AAK1: variants seen among roughly 807,000 people sequenced by gnomAD.
The protein encoded by AAK1 is AP2 associated kinase 1.
Under a neutral mutation model 116.0 loss-of-function variants are expected in AAK1, and 37 were observed. That is an observed-to-expected ratio of 0.32 (90% CI 0.25 to 0.42). The LOEUF (loss-of-function observed/expected upper bound fraction) is 0.42, where lower values mean the gene tolerates loss of function less well. Among genes scored for constraint, AAK1 ranks in the 10% least tolerant of loss-of-function variants. The pLI is 1.00. For synonymous variants in AAK1, 458 were observed against 439.9 expected (o/e 1.04, Z -0.51); for missense variants, 919 against 1,170.6 (o/e 0.79, Z 3.14).
intron 2 of AAK1, among the ~76,000 whole-genome samples, chr2:69,561,569 G>C (rs1671641096): frequency 6.6e-6 from 1 of 152,196 alleles, no homozygotes; most frequent in Non-Finnish European, 1.5e-5. Flanking sequence ...GTTCAGATAA[G>C]ATCCCTCATC....
intron 2 of AAK1, among the ~76,000 whole-genome samples, chr2:69,577,158 C>T (rs1472416778): frequency 6.6e-6 from 1 of 152,254 alleles, no homozygotes; most frequent in Admixed American, 6.5e-5. Context: ...CTCTGAGCAG[C>T]AGAACCCCTG....
At chr2:69,477,744 CAT>C (rs1674907942) in intron 20 of AAK1, among the ~76,000 whole-genome samples, 2 of 152,308 alleles carry the variant, frequency 1.3e-5, no homozygotes, top group Admixed American at 6.5e-5. Context: ...TCTATAAAAA[CAT>C]AATCATTTTA....
chr2:69,482,371 G>C, intron 18 of AAK1: 1 of 473,902 alleles, frequency 2.1e-6, no homozygotes, highest in Non-Finnish European at 3.7e-6. Flanking sequence ...AAAAAAAAAA[G>C]AAGAATCTGC....
Position 69,492,518 on chromosome 2 carries a change from CTTT to C in AAK1, c.2365+3464_2365+3466del, listed in dbSNP as rs987331929. On this transcript the variant is annotated intron_variant, in intron 17 of 21. Transcript: ENST00000409085. ...CGTGAGCCACCGTGCCTGGCCAATT[CTTT>C]TTTTTTTTTTTTTTTTTTTGAGATA... Among the ~76,000 whole-genome samples the C allele has an allele frequency of 3.7e-3, 310 of 83,392 alleles. 2 individuals are homozygous for C. The highest frequency in any genetic ancestry group is 0.015 in the African/African-American group (287 of 18,928). 54.7% of individuals were successfully genotyped at this position (83,392 alleles called of 152,430 possible).
intron 6 of AAK1, 118 bp downstream of exon 6, chr2:69,531,923 A>G: frequency 1.4e-6 from 2 of 1,467,106 alleles, no homozygotes; most frequent in Non-Finnish European, 1.9e-6. Flanking sequence ...ATGCTCTGAG[A>G]TGAAGGACAA....
rs1381759635 is a variant in AAK1 at position 69,471,646 on chromosome 2, G to C, written c.*4223C>G. On this transcript the variant is annotated 3_prime_UTR_variant, in exon 22 of 22. Coordinates refer to ENST00000409085, the MANE Select transcript of AAK1 (RefSeq NM_014911.5). ...GCCTGATAATCTTGCAGACAGAGAAGGTTAAGGACTCTGGGAAATCACAGA... is the reference window on the plus strand; with the variant it reads ...GCCTGATAATCTTGCAGACAGAGAACGTTAAGGACTCTGGGAAATCACAGA... 1.0e-6 allele frequency: 1 copy of C among 985,390 alleles called. No individual in the cohort carries two copies. The highest frequency in any genetic ancestry group is 1.2e-6 in the Non-Finnish European group (1 of 829,900). 61.0% of individuals were successfully genotyped at this position (985,390 alleles called of 1,614,324 possible).
intron 2 of AAK1, among the ~76,000 whole-genome samples, chr2:69,564,382 T>C (rs975287256): frequency 6.6e-6 from 1 of 151,780 alleles, no homozygotes; most frequent in African/African-American, 2.4e-5. Context: ...TCAAAGTAGC[T>C]CTACTTTTAG....
rs1397919665 is a variant in AAK1 at position 69,469,712 on chromosome 2, T to A, written c.*6157A>T. The A allele has an allele frequency of 3.0e-6, 3 of 985,328 alleles. No homozygotes were observed. In the African/African-American group the frequency reaches 5.2e-5, roughly 17 times the overall value. The allele number at this position is 985,328 out of a possible 1,614,324, so 61.0% of individuals were successfully genotyped here. On this transcript the variant is annotated 3_prime_UTR_variant, in exon 22 of 22. Transcript: ENST00000409085. The stretch of plus-strand genomic sequence containing the variant: ...CATAGAGCCTAACGTAGGGTTTTGT[T>A]ATAATTCCCTCAAACTGGATCATGC...
intron 8 of AAK1, among the ~76,000 whole-genome samples, chr2:69,529,457 A>C (rs1670155168): frequency 6.6e-6 from 1 of 152,134 alleles, no homozygotes; most frequent in South Asian, 2.1e-4. Flanking sequence ...ATGTTAGTAC[A>C]TATGCTTGCT....
chr2:69,499,806 T>A (rs953133766), intron 16 of AAK1: 1 of 152,214 alleles, frequency 6.6e-6, no homozygotes, highest in Non-Finnish European at 1.5e-5. Context: ...AAAATTTATA[T>A]GCAGAAATAA....
chr2:69,607,862 T>C (rs1425743357), intron 2 of AAK1, among the ~76,000 whole-genome samples: 1 of 152,100 alleles, frequency 6.6e-6, no homozygotes, highest in Non-Finnish European at 1.5e-5. Context: ...AGCCTGATAA[T>C]CTCATCAGGT....
At chr2:69,488,929 C>T (rs1312411767) in intron 17 of AAK1, among the ~76,000 whole-genome samples, 1 of 152,022 alleles carries the variant, frequency 6.6e-6, no homozygotes, top group Non-Finnish European at 1.5e-5. Flanking sequence ...CAGTGGCTCA[C>T]ACTTGTAATC....
At chr2:69,635,025 GCAAC>G (rs1675385905) in intron 2 of AAK1, among the ~76,000 whole-genome samples, 1 of 151,930 alleles carries the variant, frequency 6.6e-6, no homozygotes, top group East Asian at 1.9e-4. Flanking sequence ...AAGTAAAAAG[GCAAC>G]CCACAGAATG....
At chr2:69,530,461 A>G (rs551900552) in intron 7 of AAK1, among the ~76,000 whole-genome samples, 164 bp downstream of exon 7, 1 of 152,376 alleles carries the variant, frequency 6.6e-6, no homozygotes, top group Non-Finnish European at 1.5e-5. Context: ...TCATGCTTCA[A>G]GAAGCAGTGG....
chr2:69,473,952 C>A lies in AAK1; in HGVS notation c.*1917G>T. On this transcript the variant is annotated 3_prime_UTR_variant, in exon 22 of 22. Coordinates refer to ENST00000409085, the MANE Select transcript of AAK1 (RefSeq NM_014911.5). The stretch of plus-strand genomic sequence containing the variant: ...TCGTGGATATCTTTTGCTTTTTAAT[C>A]CTCGGCAGGAAGCTTGTGCCTCTCT... The A allele has an allele frequency of 1.0e-6, 1 of 985,728 alleles. No individual in the cohort carries two copies. Among genetic ancestry groups the A allele is most frequent in the Non-Finnish European group, 1.2e-6 (1 of 829,914 alleles). 61.1% of individuals were successfully genotyped at this position (985,728 alleles called of 1,614,324 possible).
At chr2:69,508,230 A>G (rs1240465864) in intron 14 of AAK1, among the ~76,000 whole-genome samples, 1 of 152,196 alleles carries the variant, frequency 6.6e-6, no homozygotes, top group Admixed American at 6.5e-5. Context: ...CCACCATAAC[A>G]TCCACAATAA....
intron 3 of AAK1, among the ~76,000 whole-genome samples, chr2:69,548,438 T>G (rs1195670438): frequency 6.6e-6 from 1 of 152,144 alleles, no homozygotes; most frequent in Non-Finnish European, 1.5e-5. Flanking sequence ...TTTCGTTTTC[T>G]TTGTTTTTTC....
intron 21 of AAK1, 148 bp downstream of exon 21, chr2:69,476,732 C>T (rs1674872249): frequency 1.7e-6 from 1 of 591,584 alleles, no homozygotes; most frequent in Admixed American, 3.1e-5. Context: ...CTATCTATCT[C>T]TATTGGTCCA....
At chr2:69,633,040 A>T (rs1261269751) in intron 2 of AAK1, among the ~76,000 whole-genome samples, 1 of 151,222 alleles carries the variant, frequency 6.6e-6, no homozygotes, top group Non-Finnish European at 1.5e-5. Flanking sequence ...CTCAATAAAA[A>T]AAATAAATAA....
Sources: gnomAD v4.1 joint callset for allele counts (sites outside exome capture counted in the v4.1 genomes callset) on GRCh38, gnomAD v4.1.1 for gene constraint, MANE v1.5 for transcripts, NCBI Gene and HGNC (gene_info 2026-07-23, HGNC 2026-07-21) for gene names.